The following C2CD5 variants were observed in gnomAD, a reference collection of about 807,000 sequenced individuals.
The protein encoded by C2CD5 is C2 calcium dependent domain containing 5, also known as C2 domain-containing protein 5.
In C2CD5, 109 loss-of-function variants were observed where a neutral mutation model predicts 130.3. The observed-to-expected ratio is 0.84, with a 90% CI of 0.72 to 0.98. C2CD5 has a LOEUF of 0.98. C2CD5 is among the 50% of genes least tolerant of loss of function. The pLI is 0.00. For missense variants in C2CD5, 996 were observed against 1,261.8 expected, an observed-to-expected ratio of 0.79 and a Z score of 3.19; for synonymous variants, 454 against 429.2, an observed-to-expected ratio of 1.06 and a Z score of -0.71.
At chr12:22,523,846 GCA>G (rs1218585567) in intron 6 of C2CD5, among the ~76,000 whole-genome samples, 27 of 151,052 alleles carry the variant, frequency 1.8e-4, no homozygotes, top group Admixed American at 1.1e-3. Flanking sequence ...TACTTATACA[GCA>G]CAAATATATA....
chr12:22,517,944 T>G (rs1003187988), intron 8 of C2CD5, 42 bp downstream of exon 8: 1 of 1,528,004 alleles, frequency 6.5e-7, no homozygotes, highest in African/African-American at 1.4e-5. Flanking sequence ...AGAAACAAAT[T>G]TTTAAAAAAG....
chr12:22,452,678 T>C (rs1938957059), intron 26 of C2CD5, among the ~76,000 whole-genome samples: 1 of 152,204 alleles, frequency 6.6e-6, no homozygotes. Context: ...TACCGTGAGT[T>C]ACAAAAATGT....
At chr12:22,452,244 G>A (rs545184455) in intron 26 of C2CD5, among the ~76,000 whole-genome samples, 45 of 152,248 alleles carry the variant, frequency 3.0e-4, no homozygotes, top group African/African-American at 8.9e-4. Flanking sequence ...TAATAGATGC[G>A]TTCTTTACGA....
chr12:22,510,550 T>C (rs999543908), intron 9 of C2CD5, among the ~76,000 whole-genome samples: 3 of 152,230 alleles, frequency 2.0e-5, no homozygotes, highest in Non-Finnish European at 2.9e-5. Context: ...CTTTTTATTA[T>C]TGCAAAAGAC....
chr12:22,544,001 G>A, intron 2 of C2CD5, 60 bp downstream of exon 2: 1 of 1,298,544 alleles, frequency 7.7e-7, no homozygotes, highest in South Asian at 1.2e-5. Flanking sequence ...GGCGAGGTGG[G>A]TAGATCCTTC....
At chr12:22,515,013 G>A in intron 8 of C2CD5, 5 of 985,266 alleles carry the variant, frequency 5.1e-6, no homozygotes, top group Non-Finnish European at 6.0e-6. Flanking sequence ...CTCAGAACTG[G>A]GCTGACAAGG....
intron 7 of C2CD5, among the ~76,000 whole-genome samples, chr12:22,520,017 G>A (rs1399041054): frequency 6.6e-6 from 1 of 151,952 alleles, no homozygotes; most frequent in Non-Finnish European, 1.5e-5. Flanking sequence ...CCATATCTAT[G>A]TGTGTGTATA....
chr12:22,459,149 G>C (rs1407463686), intron 23 of C2CD5, among the ~76,000 whole-genome samples: 1 of 151,962 alleles, frequency 6.6e-6, no homozygotes, highest in Non-Finnish European at 1.5e-5. Flanking sequence ...CTGATTTTGG[G>C]CAACAAAGCC....
Position 22,542,304 on chromosome 12 carries a change from G to A in C2CD5, c.90+1757C>T, listed in dbSNP as rs934659739. ...CATAATCCCAGCACTTTGGGAGGCC[G>A]AAGCGGGAGAGGCAGGAGGATGGCT... On this transcript the variant is annotated intron_variant, in intron 2 of 26. Transcript: ENST00000446597. 8.5e-5 allele frequency among the ~76,000 whole-genome samples: 13 copies of A among 152,380 alleles called. 1 individual carries two copies. The Middle Eastern group carries it at 0.01, about 120-fold the overall frequency.
chr12:22,472,832 TTA>T, intron 16 of C2CD5, 25 bp from the exon 17 acceptor site: 2 of 1,230,508 alleles, frequency 1.6e-6, no homozygotes, highest in Non-Finnish European at 2.4e-6. Context: ...TAAAACTATT[TTA>T]TAAGTAGTAA....
At chr12:22,487,196 T>C (rs12322632) in intron 12 of C2CD5, among the ~76,000 whole-genome samples, 5,900 of 152,126 alleles carry the variant, frequency 0.039, 383 homozygotes, top group African/African-American at 0.13. Context: ...AAAGCCAAAA[T>C]TGACAAATGG....
At chr12:22,511,957 CA>C (rs1374897473) in intron 9 of C2CD5, among the ~76,000 whole-genome samples, 1 of 151,980 alleles carries the variant, frequency 6.6e-6, no homozygotes, top group Non-Finnish European at 1.5e-5. Context: ...GGTAAGTGGA[CA>C]CACACACACA....
At chr12:22,502,705 CA>C (rs1947955019) in intron 10 of C2CD5, 1 of 1,247,052 alleles carries the variant, frequency 8.0e-7, no homozygotes, top group South Asian at 1.3e-5. Flanking sequence ...TAATTTTTGT[CA>C]GCATATGTAG....
chr12:22,472,587 T>C (rs1285674748), intron 17 of C2CD5, 157 bp downstream of exon 17: 3 of 663,744 alleles, frequency 4.5e-6, no homozygotes, highest in Non-Finnish European at 8.1e-6. Context: ...TAAGTATTTT[T>C]AAGGTATGTT....
chr12:22,451,858 T>TA (rs1938699587), intron 26 of C2CD5, among the ~76,000 whole-genome samples: 1 of 152,116 alleles, frequency 6.6e-6, no homozygotes, highest in Non-Finnish European at 1.5e-5. Flanking sequence ...CTTTGTCTTG[T>TA]AAGAAATCAT....
intron 23 of C2CD5, 78 bp from the exon 24 acceptor site, chr12:22,458,663 C>G: frequency 2.0e-6 from 1 of 490,414 alleles, no homozygotes; most frequent in Non-Finnish European, 3.2e-6. Flanking sequence ...TCTTAACACT[C>G]CTTTCGATGA....
intron 13 of C2CD5, chr12:22,484,239 A>G (rs1639741233): frequency 6.5e-6 from 1 of 152,720 alleles, no homozygotes; most frequent in Non-Finnish European, 1.5e-5. Flanking sequence ...GTAACCTGGC[A>G]GCTGTTGTCA....
At chr12:22,520,123 G>A (rs536242734) in intron 7 of C2CD5, among the ~76,000 whole-genome samples, 12 of 152,026 alleles carry the variant, frequency 7.9e-5, no homozygotes, top group Non-Finnish European at 1.3e-4. Context: ...TTGTAAAAAG[G>A]TATACTACAT....
chr12:22,486,099 G>T (rs182491665), intron 12 of C2CD5, among the ~76,000 whole-genome samples: 6 of 150,706 alleles, frequency 4.0e-5, no homozygotes, highest in Admixed American at 2.0e-4. Flanking sequence ...TATGGGATGG[G>T]TTACTTAATA....
Sources: gnomAD v4.1 joint callset for allele counts (sites outside exome capture counted in the v4.1 genomes callset) on GRCh38, gnomAD v4.1.1 for gene constraint, MANE v1.5 for transcripts, NCBI Gene and HGNC (gene_info 2026-07-23, HGNC 2026-07-21) for gene names.